The following RPTOR variants were observed in gnomAD, a reference collection of about 807,000 sequenced individuals.
The protein encoded by RPTOR is regulatory associated protein of MTOR complex 1, also known as regulatory-associated protein of mTOR.
RPTOR carries 21 observed loss-of-function variants against 169.9 expected under a neutral mutation model. The observed-to-expected ratio is 0.12, with a 90% CI of 0.09 to 0.18. RPTOR has a LOEUF of 0.18. Ranked by LOEUF, RPTOR falls within the 10% of genes least tolerant of loss-of-function variation. RPTOR has a pLI of 1.00. For missense variants in RPTOR, 1,133 were observed against 1,855.9 expected (o/e 0.61, Z 7.16); for synonymous variants, 732 against 753.2 (o/e 0.97, Z 0.46).
intron 13 of RPTOR, chr17:80,858,174 G>T: frequency 2.1e-6 from 1 of 476,950 alleles, no homozygotes. Flanking sequence ...GCCTTCCCCT[G>T]GTGCCCTGCA....
rs554979887 is a variant in RPTOR at position 80,945,702 on chromosome 17, A to C, written c.3061A>C (p.Arg1021=). ...ATTGGACGACCAAATATTTCTGAACAGGAACCCCGGCGTCCCCTCTGTGGT... is the reference window on the plus strand; with the variant it reads ...ATTGGACGACCAAATATTTCTGAACCGGAACCCCGGCGTCCCCTCTGTGGT... The part of the protein sequence containing the change: ...TRLDDQIFLN[R]NPGVPSVVKF... Residue 1021 remains arginine, a synonymous_variant, in exon 26 of 34, where the codon AGG becomes CGG. Transcript: ENST00000306801. 2 of 1,611,608 alleles carry C rather than the reference A, an allele frequency of 1.2e-6. No homozygotes were observed. Among genetic ancestry groups the C allele is most frequent in the South Asian group, 2.2e-5 (2 of 90,798 alleles).
chr17:80,555,090 A>G (rs2084392485), intron 1 of RPTOR, among the ~76,000 whole-genome samples: 1 of 152,118 alleles, frequency 6.6e-6, no homozygotes, highest in Admixed American at 6.5e-5. Context: ...CTGCTGCCAG[A>G]TGTTTGAGAG....
chr17:80,959,124 G>A lies in RPTOR; in HGVS notation c.3478-954G>A, dbSNP rs2069298244. ...TGGTTGCTCTGGGCAGCAGCAGCCCGAGAACCTGGCCCAGGCCTTCCCGTG... is the reference window on the plus strand; with the variant it reads ...TGGTTGCTCTGGGCAGCAGCAGCCCAAGAACCTGGCCCAGGCCTTCCCGTG... On this transcript the variant is annotated intron_variant, in intron 29 of 33. Transcript: ENST00000306801. This position sits in a 1 kb window ranked among gnomAD's most constrained non-coding sequence, Gnocchi z 6.7. 2.0e-5 allele frequency among the ~76,000 whole-genome samples: 3 copies of A among 152,226 alleles called. No individual in the cohort carries two copies. The highest frequency in any genetic ancestry group is 4.8e-5 in the African/African-American group (2 of 41,470).
chr17:80,579,515 G>T (rs2064996555), intron 1 of RPTOR, among the ~76,000 whole-genome samples: 1 of 152,174 alleles, frequency 6.6e-6, no homozygotes, highest in African/African-American at 2.4e-5. Context: ...ATGGCAAGAG[G>T]TTTTTGCCAC....
chr17:80,676,542 C>G (rs896647629), intron 3 of RPTOR, among the ~76,000 whole-genome samples: 1 of 152,226 alleles, frequency 6.6e-6, no homozygotes, highest in East Asian at 1.9e-4. Flanking sequence ...CTGGGTGCCT[C>G]TGCACCCAGT....
In RPTOR at chr17:80,924,491, G is replaced by A. The variant is rs569286438; in HGVS notation, c.2808+818G>A. Among the ~76,000 whole-genome samples the A allele has an allele frequency of 9.9e-5, 15 of 152,222 alleles. No homozygotes were observed. In the East Asian group the frequency reaches 2.3e-3, roughly 24 times the overall value. On this transcript the variant is annotated intron_variant, in intron 23 of 33. Coordinates refer to ENST00000306801, the MANE Select transcript of RPTOR (RefSeq NM_020761.3). ...CATGTTGGGGTAGAAGAGCTGTCAC[G>A]GCAAGAGCGGACAGGTCCCCACAGG... is the stretch of plus-strand genomic sequence containing the variant.
chr17:80,943,454 C>T (rs886549071), intron 25 of RPTOR, among the ~76,000 whole-genome samples: 9 of 152,220 alleles, frequency 5.9e-5, no homozygotes, highest in African/African-American at 1.2e-4. Flanking sequence ...AGGGCCTCCC[C>T]GCAAAGCCGG....
intron 21 of RPTOR, among the ~76,000 whole-genome samples, chr17:80,916,416 C>T (rs961104279): frequency 1.3e-5 from 2 of 152,242 alleles, no homozygotes; most frequent in Admixed American, 1.3e-4. Flanking sequence ...GCCCACCCCC[C>T]TGCAGCCAGC....
chr17:80,827,007 G>A (rs536035070), intron 9 of RPTOR, among the ~76,000 whole-genome samples: 205 of 152,324 alleles, frequency 1.3e-3, no homozygotes, highest in African/African-American at 4.5e-3. Context: ...TCAGCCGCTC[G>A]GCCCGCGGGA....
At chr17:80,625,252 G>A (rs731452) in intron 1 of RPTOR, among the ~76,000 whole-genome samples, 1 of 152,114 alleles carries the variant, frequency 6.6e-6, no homozygotes, top group African/African-American at 2.4e-5. Flanking sequence ...AAATCAATAC[G>A]ACAGCTTTTC....
At chr17:80,741,470 A>C (rs2066481290) in intron 5 of RPTOR, among the ~76,000 whole-genome samples, 1 of 152,156 alleles carries the variant, frequency 6.6e-6, no homozygotes, top group South Asian at 2.1e-4. Context: ...AGGCAAAAGG[A>C]GTTAAAGGCA....
intron 2 of RPTOR, among the ~76,000 whole-genome samples, chr17:80,632,391 T>A (rs2065449349): frequency 6.6e-6 from 1 of 152,192 alleles, no homozygotes; most frequent in Non-Finnish European, 1.5e-5. Flanking sequence ...CAGTTGCTCT[T>A]CCCTGCCTGA....
chr17:80,840,656 CACACCACA>C (rs1567942267), intron 10 of RPTOR, among the ~76,000 whole-genome samples: 1,164 of 47,824 alleles, frequency 0.024, 4 homozygotes, highest in Non-Finnish European at 0.057. Context: ...TCACTCTCAC[CACACCACA>C]GCTCACTCTC....
At chr17:80,587,152 T>C (rs1333265067) in intron 1 of RPTOR, among the ~76,000 whole-genome samples, 1 of 152,276 alleles carries the variant, frequency 6.6e-6, no homozygotes, top group Non-Finnish European at 1.5e-5. Flanking sequence ...CTCGCCCCTC[T>C]GGCCTCCCCC....
At chr17:80,768,374 T>C (rs2066808979) in intron 6 of RPTOR, among the ~76,000 whole-genome samples, 1 of 152,194 alleles carries the variant, frequency 6.6e-6, no homozygotes, top group African/African-American at 2.4e-5. Flanking sequence ...CCGTGTGTAA[T>C]GTATCTGGAG....
chr17:80,592,393 GAA>G (rs1445976725), intron 1 of RPTOR, among the ~76,000 whole-genome samples: 1 of 152,200 alleles, frequency 6.6e-6, no homozygotes, highest in African/African-American at 2.4e-5. Flanking sequence ...GTGGAAGGGA[GAA>G]GAGTGCTCAG....
intron 6 of RPTOR, among the ~76,000 whole-genome samples, chr17:80,788,660 A>G (rs546745896): frequency 1.6e-4 from 24 of 152,164 alleles, no homozygotes; most frequent in Admixed American, 3.9e-4. Flanking sequence ...GATCTTCACT[A>G]TGATGTACCT....
chr17:80,750,028 A>T (rs1041008585), intron 5 of RPTOR, among the ~76,000 whole-genome samples: 44 of 151,728 alleles, frequency 2.9e-4, no homozygotes, highest in Admixed American at 2.0e-3. Flanking sequence ...TTAAAAAAAA[A>T]TTTTGGAGTG....
chr17:80,832,914 C>G (rs2067521754), intron 9 of RPTOR, among the ~76,000 whole-genome samples: 1 of 152,194 alleles, frequency 6.6e-6, no homozygotes, highest in African/African-American at 2.4e-5. Context: ...GCCTAACAAA[C>G]ATTGAGGTTA....
Sources: gnomAD v4.1 joint callset for allele counts (sites outside exome capture counted in the v4.1 genomes callset) on GRCh38, gnomAD v4.1.1 for gene constraint, Gnocchi (gnomAD v3.1) non-coding constraint, MANE v1.5 for transcripts, NCBI Gene and HGNC (gene_info 2026-07-23, HGNC 2026-07-21) for gene names.